The following MAPKAPK2 variants were observed in gnomAD, a reference collection of about 807,000 sequenced individuals.
The protein encoded by MAPKAPK2 is MAPK activated protein kinase 2, also known as MAP kinase-activated protein kinase 2.
Under a neutral mutation model 48.8 loss-of-function variants are expected in MAPKAPK2, and 9 were observed. That is an observed-to-expected ratio of 0.18 (90% CI 0.11 to 0.32). The LOEUF (loss-of-function observed/expected upper bound fraction) is 0.32. Ranked by LOEUF, MAPKAPK2 falls within the 10% of genes least tolerant of loss-of-function variation. MAPKAPK2 has a pLI of 1.00. For missense variants in MAPKAPK2, 331 were observed against 498.3 expected (o/e 0.66, Z 3.20); for synonymous variants, 202 against 190.6 (o/e 1.06, Z -0.49).
At chr1:206,720,192 A>G (rs781960539) in intron 1 of MAPKAPK2, among the ~76,000 whole-genome samples, 48 of 152,218 alleles carry the variant, frequency 3.2e-4, no homozygotes, top group Non-Finnish European at 7.3e-5. Flanking sequence ...CTGCCCTCTG[A>G]CTAAAATTTA....
intron 5 of MAPKAPK2, among the ~76,000 whole-genome samples, 149 bp from the exon 6 acceptor site, chr1:206,730,534 CCTGGG>C (rs2102416075): frequency 6.6e-6 from 1 of 152,280 alleles, no homozygotes; most frequent in South Asian, 2.1e-4. Flanking sequence ...TGTTCCAGTC[CCTGGG>C]CTGGGCTTTG....
intron 1 of MAPKAPK2, among the ~76,000 whole-genome samples, chr1:206,706,583 A>G (rs1672966010): frequency 1.3e-5 from 2 of 152,144 alleles, no homozygotes; most frequent in African/African-American, 4.8e-5. Flanking sequence ...GCCCTTGCCA[A>G]GAACCTCTGA....
At chr1:206,702,852 G>A (rs1672840728) in intron 1 of MAPKAPK2, among the ~76,000 whole-genome samples, 1 of 152,144 alleles carries the variant, frequency 6.6e-6, no homozygotes, top group Non-Finnish European at 1.5e-5. Context: ...CTTATCTTCA[G>A]TTTTTTCTGG....
intron 1 of MAPKAPK2, among the ~76,000 whole-genome samples, chr1:206,689,305 A>G (rs1329361430): frequency 5.9e-5 from 9 of 151,852 alleles, no homozygotes; most frequent in African/African-American, 2.2e-4. Context: ...TGAAGGGGAG[A>G]TGATTGGAGC....
At chr1:206,725,526 A>G (rs1385392012) in intron 1 of MAPKAPK2, among the ~76,000 whole-genome samples, 1 of 152,128 alleles carries the variant, frequency 6.6e-6, no homozygotes, top group Admixed American at 6.5e-5. Context: ...ATTTCATTAG[A>G]TGCTCATAAT....
At chr1:206,715,651 G>A (rs1454083407) in intron 1 of MAPKAPK2, among the ~76,000 whole-genome samples, 2 of 134,306 alleles carry the variant, frequency 1.5e-5, no homozygotes, top group African/African-American at 2.8e-5. Context: ...TTTTGAGATA[G>A]GGTCTCACTC....
intron 1 of MAPKAPK2, among the ~76,000 whole-genome samples, chr1:206,715,160 A>C (rs1268324903): frequency 2.0e-5 from 3 of 152,342 alleles, no homozygotes; most frequent in African/African-American, 7.2e-5. Flanking sequence ...TAGTCTGTGG[A>C]GCATTCTCCT....
At chr1:206,730,370 G>A (rs1673864105) in intron 5 of MAPKAPK2, among the ~76,000 whole-genome samples, 1 of 152,224 alleles carries the variant, frequency 6.6e-6, no homozygotes, top group Non-Finnish European at 1.5e-5. Context: ...TCTTGTTCTG[G>A]AGCCACAGCT....
intron 1 of MAPKAPK2, among the ~76,000 whole-genome samples, chr1:206,687,567 G>GGA (rs1172382826): frequency 1.3e-5 from 2 of 152,218 alleles, no homozygotes; most frequent in Non-Finnish European, 2.9e-5. Context: ...CAAGGCATTT[G>GGA]GAGACTGACA....
Position 206,733,604 on chromosome 1 carries a change from C to G in MAPKAPK2, c.*886C>G, listed in dbSNP as rs1315468463. ...CCAGCCCCCAGGGCCCCCCTCCCCC[C>G]ACTTAGTGCTGGTCCTAGGTCCTCT... On this transcript the variant is annotated 3_prime_UTR_variant, in exon 10 of 10. Coordinates refer to ENST00000367103, the MANE Select transcript of MAPKAPK2 (RefSeq NM_032960.4). The G allele has an allele frequency of 2.0e-5, 3 of 152,536 alleles. No individual in the cohort carries two copies. The highest frequency in any genetic ancestry group is 1.3e-4 in the Admixed American group (2 of 15,284). 9.4% of individuals were successfully genotyped at this position (152,536 alleles called of 1,614,324 possible). A position where few individuals can be genotyped will look rare whatever the true frequency, so the allele number is the denominator to read the frequency against.
At position 206,685,179 on chromosome 1, in the gene MAPKAPK2, G is replaced by C. The variant is rs1672236686; in HGVS notation, c.-51G>C. 3.6e-6 allele frequency: 1 copy of C among 277,844 alleles called. No individual in the cohort carries two copies. Among genetic ancestry groups the C allele is most frequent in the Non-Finnish European group, 6.5e-6 (1 of 153,172 alleles). 17.2% of individuals were successfully genotyped at this position (277,844 alleles called of 1,614,324 possible). ...GCGGGGAGGGGGCCCGGAGCCGGAG[G>C]AGGGGGCGGCCGCGGGCACCCCCGC... On this transcript the variant is annotated 5_prime_UTR_variant, in exon 1 of 10. Coordinates refer to ENST00000367103, the MANE Select transcript of MAPKAPK2 (RefSeq NM_032960.4).
chr1:206,725,221 C>T (rs534865652), intron 1 of MAPKAPK2, among the ~76,000 whole-genome samples: 3 of 152,292 alleles, frequency 2.0e-5, no homozygotes, highest in Admixed American at 6.5e-5. Context: ...GCAGAAAGTG[C>T]GGAAGTTGCA....
At chr1:206,702,911 C>T (rs1192098431) in intron 1 of MAPKAPK2, among the ~76,000 whole-genome samples, 1 of 152,208 alleles carries the variant, frequency 6.6e-6, no homozygotes, top group Non-Finnish European at 1.5e-5. Flanking sequence ...TACCCCCTTA[C>T]TCCCCTGCCC....
At chr1:206,718,672 G>T (rs552180043) in intron 1 of MAPKAPK2, among the ~76,000 whole-genome samples, 56 of 151,976 alleles carry the variant, frequency 3.7e-4, no homozygotes, top group Admixed American at 6.6e-4. Flanking sequence ...TTTCTTCTAC[G>T]ACACCGCACG....
Position 206,732,969 on chromosome 1 carries a change from T to G in MAPKAPK2, c.*251T>G. On this transcript the variant is annotated 3_prime_UTR_variant, in exon 10 of 10. Coordinates refer to ENST00000367103, the MANE Select transcript of MAPKAPK2 (RefSeq NM_032960.4). This position sits in a 1 kb window ranked among gnomAD's most constrained non-coding sequence, Gnocchi z 4.4. ...AACCTGTGCTCATTTTGCAATTTTA[T>G]CAGTAATTTGACTTAGAGTTTTTAC... 2.1e-6 allele frequency: 1 copy of G among 478,272 alleles called. No homozygotes were observed. Among genetic ancestry groups the G allele is most frequent in the Non-Finnish European group, 3.7e-6 (1 of 269,382 alleles). 29.6% of individuals were successfully genotyped at this position (478,272 alleles called of 1,614,324 possible). A position where few individuals can be genotyped will look rare whatever the true frequency, so the allele number is the denominator to read the frequency against.
rs782462168 is a variant in MAPKAPK2, at chr1:206,732,119, C to T, written c.1059+200C>T. The T allele has an allele frequency of 3.7e-6, 6 of 1,614,186 alleles. No individual in the cohort carries two copies. In the East Asian group the frequency reaches 8.9e-5, roughly 24 times the overall value. ...AGAGGATTCTGTGTTCCTGTCCAAA[C>T]TCAGTGCTGTTTCTTAGAATCCTTT... On this transcript the variant is annotated intron_variant, in intron 9 of 9. Transcript: ENST00000367103. This position sits in a 1 kb window ranked among gnomAD's most constrained non-coding sequence, Gnocchi z 4.4.
chr1:206,685,381 G>T lies in MAPKAPK2; in HGVS notation c.152G>T (p.Gly51Val), dbSNP rs146073998. 8,045 of 1,524,974 alleles carry T rather than the reference G, an allele frequency of 5.3e-3. 461 individuals carry two copies. In the South Asian group the frequency reaches 0.086, roughly 16 times the overall value. 94.5% of individuals were successfully genotyped at this position (1,524,974 alleles called of 1,614,324 possible). ...QQFPQFHVKS[G>V]LQIKKNAIID... is the part of the protein sequence containing the mutation. ...TTCCCGCAGTTCCACGTCAAGTCCG[G>T]CCTGCAGATCAAGAAGAACGCCATC... is the stretch of plus-strand genomic sequence containing the variant. The change falls in exon 1 of 10, where the codon GGC (glycine) becomes GTC (valine). Residue 51 changes from glycine to valine, a missense_variant. By Grantham distance (109) the Gly-to-Val change is moderately radical. Transcript: ENST00000367103.
At chr1:206,729,228 GTGCCT>G in intron 3 of MAPKAPK2, 129 bp downstream of exon 3, 1 of 1,169,150 alleles carries the variant, frequency 8.6e-7, no homozygotes, top group Non-Finnish European at 1.3e-6. Flanking sequence ...GCTGCAAGGG[GTGCCT>G]CAGCTGACCA....
chr1:206,702,761 C>T (rs1237250873), intron 1 of MAPKAPK2, among the ~76,000 whole-genome samples: 3 of 152,258 alleles, frequency 2.0e-5, no homozygotes, highest in African/African-American at 7.2e-5. Context: ...GCCTTCCACA[C>T]TTTGCCTTCC....
Sources: gnomAD v4.1 joint callset for allele counts (sites outside exome capture counted in the v4.1 genomes callset) on GRCh38, gnomAD v4.1.1 for gene constraint, Gnocchi (gnomAD v3.1) non-coding constraint, MANE v1.5 for transcripts, NCBI Gene and HGNC (gene_info 2026-07-23, HGNC 2026-07-21) for gene names.